DOCK10: variants seen among roughly 807,000 people sequenced by gnomAD.
DOCK10 encodes dedicator of cytokinesis protein 10.
DOCK10 carries 145 observed loss-of-function variants against 280.1 expected under a neutral mutation model. The observed-to-expected ratio is 0.52, with a 90% CI of 0.45 to 0.59. The LOEUF is 0.59. Ranked by LOEUF, DOCK10 falls within the 20% of genes least tolerant of loss-of-function variation. The probability of loss-of-function intolerance (pLI) is 0.00; values close to 1 mark genes in which losing one functional copy is unlikely to be tolerated. For missense variants in DOCK10, 2,368 were observed against 2,651.7 expected, an observed-to-expected ratio of 0.89 and a Z score of 2.35; for synonymous variants, 915 against 942.2, an observed-to-expected ratio of 0.97 and a Z score of 0.53.
At chr2:224,919,063 A>G (rs1701526498) in intron 2 of DOCK10, among the ~76,000 whole-genome samples, 1 of 133,008 alleles carries the variant, frequency 7.5e-6, no homozygotes, top group Non-Finnish European at 1.6e-5. Flanking sequence ...TGTGTGGTGT[A>G]TGTGTGGTGT....
chr2:225,014,490 C>T (rs1256591916), intron 1 of DOCK10, among the ~76,000 whole-genome samples: 1 of 151,976 alleles, frequency 6.6e-6, no homozygotes, highest in East Asian at 1.9e-4. Flanking sequence ...GATTAGTCAT[C>T]TTACATTTAT....
At chr2:224,998,782 A>G (rs1439844556) in intron 1 of DOCK10, among the ~76,000 whole-genome samples, 1 of 152,114 alleles carries the variant, frequency 6.6e-6, no homozygotes, top group African/African-American at 2.4e-5. Context: ...ACTATACCCA[A>G]CTGCCTCCAT....
intron 1 of DOCK10, among the ~76,000 whole-genome samples, chr2:224,936,110 G>C (rs1362630015): frequency 6.6e-6 from 1 of 152,162 alleles, no homozygotes; most frequent in African/African-American, 2.4e-5. Flanking sequence ...TTAATGCTGT[G>C]ATGTGCTTTG....
intron 1 of DOCK10, among the ~76,000 whole-genome samples, chr2:224,975,391 A>G (rs1331538981): frequency 6.6e-6 from 1 of 152,216 alleles, no homozygotes; most frequent in Non-Finnish European, 1.5e-5. Context: ...CTCATACTCC[A>G]TGACACAGGC....
At chr2:224,918,574 T>C (rs993720839) in intron 2 of DOCK10, among the ~76,000 whole-genome samples, 11 of 147,838 alleles carry the variant, frequency 7.4e-5, no homozygotes, top group Admixed American at 2.0e-4. Context: ...TGAGTGTGTA[T>C]GTGTATGTGG....
intron 15 of DOCK10, among the ~76,000 whole-genome samples, chr2:224,856,551 A>G (rs2125577707): frequency 6.6e-6 from 1 of 152,316 alleles, no homozygotes; most frequent in East Asian, 1.9e-4. Flanking sequence ...TCTCACTCAG[A>G]TGTGCTCAAA....
chr2:224,814,127 G>A (rs1346742564), intron 31 of DOCK10, among the ~76,000 whole-genome samples, 193 bp downstream of exon 31: 8 of 152,228 alleles, frequency 5.3e-5, no homozygotes, highest in African/African-American at 1.7e-4. Context: ...AATAAAATAC[G>A]AAAGAATTGA....
intron 47 of DOCK10, among the ~76,000 whole-genome samples, chr2:224,792,406 C>T (rs543477904): frequency 6.6e-6 from 1 of 152,210 alleles, no homozygotes; most frequent in Admixed American, 6.5e-5. Context: ...GCTTCAGTCT[C>T]CCAAGTAGCT....
chr2:224,777,368 G>A (rs371968730), intron 51 of DOCK10, among the ~76,000 whole-genome samples: 4 of 152,172 alleles, frequency 2.6e-5, no homozygotes, highest in Non-Finnish European at 5.9e-5. Flanking sequence ...AGGCAGACCT[G>A]CCCTCAATCT....
chr2:224,874,142 G>T lies in DOCK10; in HGVS notation c.1111C>A (p.Leu371Ile), dbSNP rs1288710348. 6.3e-6 allele frequency: 10 copies of T among 1,588,438 alleles called. No homozygotes were observed. The highest frequency in any genetic ancestry group is 1.8e-5 in the Admixed American group (1 of 54,880). Reference protein sequence around the residue: ...SLDPDIDTLKLQKKDLLEPES... With the variant: ...SLDPDIDTLKIQKKDLLEPES... Reference sequence around the variant, plus strand: ...GGTTCCAAGAGATCTTTTTTTTGAAGTTTCAAGGTCTAAAAAAGTTTTGAA... The same window carrying T: ...GGTTCCAAGAGATCTTTTTTTTGAATTTTCAAGGTCTAAAAAAGTTTTGAA... Residue 371 changes from leucine to isoleucine, a missense_variant, in exon 11 of 56, where the codon CTT becomes ATT. By Grantham distance (5) the Leu-to-Ile change is conservative. Coordinates refer to ENST00000258390, the MANE Select transcript of DOCK10 (RefSeq NM_014689.3).
chr2:224,924,541 T>TGGCTGAATAATA (rs1701952833), intron 2 of DOCK10, among the ~76,000 whole-genome samples: 1 of 152,244 alleles, frequency 6.6e-6, no homozygotes, highest in Non-Finnish European at 1.5e-5. Flanking sequence ...TTCCTTTTTA[T>TGGCTGAATAATA]GGCTGAATAA....
chr2:224,841,523 T>C (rs1695965701), intron 23 of DOCK10, among the ~76,000 whole-genome samples: 1 of 152,240 alleles, frequency 6.6e-6, no homozygotes, highest in Admixed American at 6.5e-5. Flanking sequence ...GATGGTAATG[T>C]TGCAAGGACT....
chr2:224,876,089 C>A lies in DOCK10; in HGVS notation c.880G>T (p.Glu294Ter). 1 of 1,613,916 alleles carries A rather than the reference C, an allele frequency of 6.2e-7. No homozygotes were observed. The highest frequency in any genetic ancestry group is 8.5e-7 in the Non-Finnish European group (1 of 1,179,866). ...CTCCTCCTCCCTTGGAGGGGCCCCTCAGGACTGATTTGCAGAATGCGGTTG... is the reference window on the plus strand; with the variant it reads ...CTCCTCCTCCCTTGGAGGGGCCCCTAAGGACTGATTTGCAGAATGCGGTTG... Reference protein sequence around the residue: ...TLNRILQISPEGPLQGRRSTE... With the variant: ...TLNRILQISP Residue 294 changes from glutamate (E) to a stop codon, truncating the protein, a stop_gained, in exon 8 of 56, where the codon GAG (glutamate) becomes TAG (stop). Transcript: ENST00000258390. LOFTEE classifies it high-confidence loss of function.
At chr2:224,850,452 A>C (rs1696656620) in intron 18 of DOCK10, among the ~76,000 whole-genome samples, 1 of 152,206 alleles carries the variant, frequency 6.6e-6, no homozygotes, top group African/African-American at 2.4e-5. Flanking sequence ...CCAGGAAAAT[A>C]ACAATGACTC....
In DOCK10 at chr2:224,905,950, GT is replaced by G. The variant is rs893113554; in HGVS notation, c.334-9574del. Among the ~76,000 whole-genome samples, 22 of 152,112 alleles carry G rather than the reference GT, an allele frequency of 1.4e-4. No individual in the cohort carries two copies. The East Asian group carries it at 1.6e-3, about 11-fold the overall frequency. On this transcript the variant is annotated intron_variant, in intron 3 of 55. Coordinates refer to ENST00000258390, the MANE Select transcript of DOCK10 (RefSeq NM_014689.3). ...TAAAGCTTGAATTTTCAAATCTAGA[GT>G]AACTGCCCACACTTTCCTGTGCTCC...
chr2:224,833,531 C>T (rs2125411227), intron 26 of DOCK10, among the ~76,000 whole-genome samples: 1 of 151,916 alleles, frequency 6.6e-6, no homozygotes, highest in Admixed American at 6.5e-5. Context: ...ATCAGATATC[C>T]TGACCATTCT....
In DOCK10 at chr2:224,805,011, T is replaced by C; in HGVS notation, c.4118+47A>G. 1 of 1,511,354 alleles carries C rather than the reference T, an allele frequency of 6.6e-7. No individual in the cohort carries two copies. The highest frequency in any genetic ancestry group is 1.2e-5 in the South Asian group (1 of 80,112). The allele number at this position is 1,511,354 out of a possible 1,614,324, so 93.6% of individuals were successfully genotyped here. On this transcript the variant is annotated intron_variant, in intron 37 of 55. Coordinates refer to ENST00000258390, the MANE Select transcript of DOCK10 (RefSeq NM_014689.3). This position sits in a 1 kb window ranked among gnomAD's most constrained non-coding sequence, Gnocchi z 4.3. Reference sequence around the variant, plus strand: ...ATGAAACATGGTATAGTGGACTATTTAGAAATTTCCAGAAAAAAGTGTTAA... The same window carrying C: ...ATGAAACATGGTATAGTGGACTATTCAGAAATTTCCAGAAAAAAGTGTTAA...
chr2:224,886,209 G>C, intron 5 of DOCK10, 24 bp from the exon 6 acceptor site: 4 of 1,613,444 alleles, frequency 2.5e-6, no homozygotes, highest in Non-Finnish European at 3.4e-6. Flanking sequence ...ATAGTAGCAT[G>C]ACAGCCATCT....
chr2:224,956,833 A>C (rs1704070703), intron 1 of DOCK10, among the ~76,000 whole-genome samples: 1 of 152,092 alleles, frequency 6.6e-6, no homozygotes, highest in South Asian at 2.1e-4. Flanking sequence ...ATAAAATCAA[A>C]TATTCTCTTT....
Sources: gnomAD v4.1 joint callset for allele counts (sites outside exome capture counted in the v4.1 genomes callset) on GRCh38, gnomAD v4.1.1 for gene constraint, Gnocchi (gnomAD v3.1) non-coding constraint, MANE v1.5 for transcripts, NCBI Gene and HGNC (gene_info 2026-07-23, HGNC 2026-07-21) for gene names.